Variants in PTPRC observed in about 807,000 individuals in gnomAD.
The protein encoded by PTPRC is receptor-type tyrosine-protein phosphatase C.
In PTPRC, 44 loss-of-function variants were observed where a neutral mutation model predicts 155.9. That is an observed-to-expected ratio of 0.28 (90% confidence interval 0.22 to 0.36). PTPRC has a LOEUF of 0.36. Ranked by LOEUF, PTPRC falls within the 10% of genes least tolerant of loss-of-function variation. The pLI, the probability that PTPRC is intolerant of heterozygous loss-of-function variation, is 1.00. For synonymous variants in PTPRC, 525 were observed against 533.1 expected (o/e 0.98, Z 0.21); for missense variants, 1,401 against 1,564.6 (o/e 0.90, Z 1.76).
chr1:198,714,625 G>A (rs550940296), intron 12 of PTPRC, among the ~76,000 whole-genome samples: 29 of 152,284 alleles, frequency 1.9e-4, no homozygotes, highest in Non-Finnish European at 3.7e-4. Flanking sequence ...GCTCTTTGGA[G>A]CCAGCTCTAC....
At chr1:198,642,660 A>T (rs1662661426) in intron 2 of PTPRC, among the ~76,000 whole-genome samples, 1 of 151,930 alleles carries the variant, frequency 6.6e-6, no homozygotes. Context: ...CCATCATCTT[A>T]ATTCATGGCT....
At chr1:198,654,302 T>C (rs1663419064) in intron 2 of PTPRC, among the ~76,000 whole-genome samples, 2 of 151,824 alleles carry the variant, frequency 1.3e-5, no homozygotes, top group Admixed American at 1.3e-4. Context: ...TAAAATTCTT[T>C]TTGAGTAAAA....
chr1:198,687,216 G>T (rs1262330101), intron 2 of PTPRC, among the ~76,000 whole-genome samples: 1 of 152,076 alleles, frequency 6.6e-6, no homozygotes, highest in Non-Finnish European at 1.5e-5. Context: ...GGATTGCTTG[G>T]TTCAAGCGAT....
intron 2 of PTPRC, among the ~76,000 whole-genome samples, chr1:198,656,639 G>GTTTTTTTTTTTTTTTTTTTTTTTTTTT (rs201088832): frequency 1.2e-5 from 1 of 85,144 alleles, no homozygotes; most frequent in African/African-American, 5.2e-5. Flanking sequence ...AGGGCTACTA[G>GTTTTTTTTTTTTTTTTTTTTTTTTTTT]TTTTTTGTTT....
At chr1:198,676,542 C>G (rs1271994027) in intron 2 of PTPRC, among the ~76,000 whole-genome samples, 2 of 152,070 alleles carry the variant, frequency 1.3e-5, no homozygotes, top group Non-Finnish European at 2.9e-5. Context: ...GGCTGGCATT[C>G]AGAACCCAGG....
rs747330174 is a variant in PTPRC, at chr1:198,755,946, A to G, written c.3686A>G (p.Tyr1229Cys). The change falls in exon 33 of 33, where the codon TAC becomes TGC. Residue 1229 changes from tyrosine (Y) to cysteine (C), a missense_variant. This residue lies in a region of PTPRC where 400 missense variants were observed against 389.5 expected (regional missense o/e 1.03). Coordinates refer to ENST00000442510, the MANE Select transcript of PTPRC (RefSeq NM_002838.5). ...CTATATGACGTCATTGCCAGCACCT[A>G]CCCTGCTCAGAATGGACAAGTAAAG... ...QFLYDVIASTYPAQNGQVKKN... is the reference protein window; with the variant it reads ...QFLYDVIASTCPAQNGQVKKN... The G allele has an allele frequency of 1.7e-5, 28 of 1,612,644 alleles. No individual in the cohort carries two copies. The Middle Eastern group carries it at 6.6e-4, about 38-fold the overall frequency.
At chr1:198,755,646 A>G (rs998132616) in intron 32 of PTPRC, among the ~76,000 whole-genome samples, 3 of 152,218 alleles carry the variant, frequency 2.0e-5, no homozygotes, top group African/African-American at 7.2e-5. Flanking sequence ...GAGCAAAGGC[A>G]TGGAAATGGC....
chr1:198,659,536 T>C (rs1343908602), intron 2 of PTPRC, among the ~76,000 whole-genome samples: 1 of 151,172 alleles, frequency 6.6e-6, no homozygotes, highest in Non-Finnish European at 1.5e-5. Flanking sequence ...CTTTGAAGAA[T>C]ACATATATAT....
At chr1:198,672,710 A>G (rs1451590017) in intron 2 of PTPRC, among the ~76,000 whole-genome samples, 1 of 151,842 alleles carries the variant, frequency 6.6e-6, no homozygotes, top group Non-Finnish European at 1.5e-5. Flanking sequence ...CTAGTCTAGA[A>G]TTCCTGATCT....
chr1:198,750,005 A>G (rs898162026), intron 28 of PTPRC, among the ~76,000 whole-genome samples: 2 of 151,390 alleles, frequency 1.3e-5, no homozygotes, highest in African/African-American at 4.9e-5. Flanking sequence ...TCAAACAATG[A>G]AACTTTAGTC....
At chr1:198,688,238 A>C (rs928684283) in intron 2 of PTPRC, among the ~76,000 whole-genome samples, 4 of 152,202 alleles carry the variant, frequency 2.6e-5, no homozygotes, top group Non-Finnish European at 5.9e-5. Flanking sequence ...GTGTACAAGC[A>C]AACACATATT....
intron 4 of PTPRC, among the ~76,000 whole-genome samples, chr1:198,698,687 G>A (rs1666324052): frequency 6.6e-6 from 1 of 151,788 alleles, no homozygotes; most frequent in African/African-American, 2.4e-5. Context: ...AGATGGGTAT[G>A]TGTGTATATA....
chr1:198,658,299 A>G lies in PTPRC; in HGVS notation c.73+18958A>G, dbSNP rs558567152. 3.3e-5 allele frequency among the ~76,000 whole-genome samples: 5 copies of G among 152,298 alleles called. No individual in the cohort carries two copies. In the South Asian group the frequency reaches 1.0e-3, roughly 32 times the overall value. The stretch of plus-strand genomic sequence containing the variant: ...TAATCTGGTATCGTGGGAATATTTT[A>G]GCATGTTTTGTATAGATAGACTGAC... On this transcript the variant is annotated intron_variant, in intron 2 of 32. Coordinates refer to ENST00000442510, the MANE Select transcript of PTPRC (RefSeq NM_002838.5).
At chr1:198,661,424 CA>C (rs1338556092) in intron 2 of PTPRC, among the ~76,000 whole-genome samples, 1 of 151,080 alleles carries the variant, frequency 6.6e-6, no homozygotes, top group Non-Finnish European at 1.5e-5. Flanking sequence ...CACTTTTTTG[CA>C]TTTTTACAAA....
At chr1:198,687,278 A>G (rs2359952) in intron 2 of PTPRC, among the ~76,000 whole-genome samples, 56,588 of 151,892 alleles carry the variant, frequency 0.37, 11,009 homozygotes, top group African/African-American at 0.48. Flanking sequence ...GAACCATTGC[A>G]CCTGGCCACA....
chr1:198,648,032 A>G (rs1463304913), intron 2 of PTPRC, among the ~76,000 whole-genome samples: 4 of 151,902 alleles, frequency 2.6e-5, no homozygotes, highest in Admixed American at 2.6e-4. Context: ...TCTATATATA[A>G]CATATTAAGT....
At chr1:198,638,825 A>C, upstream of PTPRC, 1 of 154,748 alleles carries the variant, frequency 6.5e-6, no homozygotes, top group South Asian at 1.7e-4. Context: ...GATTTAATTT[A>C]AAAAAAATGG....
At chr1:198,729,295 G>A in intron 17 of PTPRC, 124 bp downstream of exon 17, 2 of 1,210,878 alleles carry the variant, frequency 1.7e-6, no homozygotes, top group Non-Finnish European at 1.1e-6. Context: ...AGGCTGAAGT[G>A]TGGTGGTGCA....
chr1:198,682,494 G>C (rs956590930), intron 2 of PTPRC, among the ~76,000 whole-genome samples: 7 of 152,056 alleles, frequency 4.6e-5, no homozygotes, highest in Non-Finnish European at 8.8e-5. Flanking sequence ...ATTTAGAAAG[G>C]GTTGTGGTTG....
Sources: gnomAD v4.1 joint callset for allele counts (sites outside exome capture counted in the v4.1 genomes callset) on GRCh38, gnomAD v4.1.1 for gene constraint, gnomAD v4.1.1 regional missense constraint, MANE v1.5 for transcripts, NCBI Gene and HGNC (gene_info 2026-07-23, HGNC 2026-07-21) for gene names.